The following RASL12 variants were observed in gnomAD, a reference collection of about 807,000 sequenced individuals.
RASL12 encodes the protein RAS like family 12, also known as ras-like protein family member 12.
RASL12 carries 16 observed loss-of-function variants against 22.9 expected under a neutral mutation model. That is an observed-to-expected ratio of 0.70 (90% confidence interval 0.47 to 1.06). The LOEUF is 1.06. Ranked by LOEUF, RASL12 falls within the 50% of genes least tolerant of loss-of-function variation. RASL12 has a pLI of 0.00. For synonymous variants in RASL12, 159 were observed against 152.2 expected, an observed-to-expected ratio of 1.04 and a Z score of -0.33; for missense variants, 306 against 353.1, an observed-to-expected ratio of 0.87 and a Z score of 1.07.
chr15:65,059,316 C>T (rs2232756), intron 3 of RASL12, 29 bp downstream of exon 3: 17,219 of 1,589,790 alleles, frequency 0.011, 84 homozygotes, highest in Non-Finnish European at 0.012. Context: ...TGACTCACAG[C>T]AGTGCATAGG....
In RASL12 at chr15:65,074,050, A is replaced by T. The variant is rs140428121; in HGVS notation, c.70+2479T>A. Among the ~76,000 whole-genome samples the T allele has an allele frequency of 3.9e-3, 596 of 152,334 alleles. 2 individuals are homozygous for T. Among genetic ancestry groups the T allele is most frequent in the East Asian group, 0.011 (56 of 5,182 alleles). On this transcript the variant is annotated intron_variant, in intron 1 of 4. Transcript: ENST00000434605. ...GGGCTTTATGGGATGCTCATCTGCA[A>T]AGCAGGGTTGCTACCTTTCCCATTT...
Position 65,058,416 on chromosome 15 carries a change from G to T in RASL12, c.425+11C>A. On this transcript the variant is annotated intron_variant, in intron 4 of 4. Transcript: ENST00000220062. ...AGCTCTGGAGATAACGGCCAAGCAG[G>T]CTGTGCTCACCTGTACTGAGCCATG... is the stretch of plus-strand genomic sequence containing the variant. The T allele has an allele frequency of 6.2e-6, 9 of 1,453,760 alleles. No homozygotes were observed. The highest frequency in any genetic ancestry group is 1.4e-5 in the African/African-American group (1 of 70,358). The allele number at this position is 1,453,760 out of a possible 1,614,324, so 90.1% of individuals were successfully genotyped here.
At chr15:65,046,141 T>A in the RASL12 span, among the ~76,000 whole-genome samples, 2 of 152,164 alleles carry the variant, frequency 1.3e-5, no homozygotes, top group African/African-American at 4.8e-5. Flanking sequence ...TCTCTACTAA[T>A]AATACAAAAA....
downstream of RASL12, chr15:65,053,233 T>C (rs1177595106): frequency 6.4e-7 from 1 of 1,560,264 alleles, no homozygotes; most frequent in East Asian, 2.3e-5. Flanking sequence ...GCCTGAAACC[T>C]CTCAGGTTTT....
At chr15:65,047,626 A>T in the RASL12 span, among the ~76,000 whole-genome samples, 1 of 152,168 alleles carries the variant, frequency 6.6e-6, no homozygotes, top group African/African-American at 2.4e-5. Context: ...AGGCACTCTT[A>T]CATCTGAGAC....
chr15:65,071,022 T>C (rs1595910623), upstream of RASL12, among the ~76,000 whole-genome samples: 2 of 152,278 alleles, frequency 1.3e-5, no homozygotes, highest in African/African-American at 2.4e-5. Flanking sequence ...CACTACCCTA[T>C]GTGCAGAAAC....
At chr15:65,070,721 C>T (rs191718962), upstream of RASL12, among the ~76,000 whole-genome samples, 2 of 152,340 alleles carry the variant, frequency 1.3e-5, no homozygotes, top group East Asian at 3.9e-4. Flanking sequence ...CCCCAGGAGC[C>T]CTTTCATATA....
At chr15:65,056,804 C>T (rs763361101) in intron 4 of RASL12, among the ~76,000 whole-genome samples, 1 of 152,156 alleles carries the variant, frequency 6.6e-6, no homozygotes, top group Admixed American at 6.5e-5. Context: ...AAACTTGGGA[C>T]TTGATCGAAG....
upstream of RASL12, chr15:65,068,270 T>C (rs2086905676): frequency 1.0e-6 from 1 of 985,210 alleles, no homozygotes; most frequent in African/African-American, 1.7e-5. The surrounding 1 kb of genome is among the most constrained non-coding windows in gnomAD (Gnocchi z 4.2). Flanking sequence ...CACTCTTCCC[T>C]GAACCTCCCA....
chr15:65,066,075 G>A (rs1227972154), intron 1 of RASL12, among the ~76,000 whole-genome samples: 1 of 148,588 alleles, frequency 6.7e-6, no homozygotes, highest in Non-Finnish European at 1.5e-5. Flanking sequence ...GTAGAGAAGA[G>A]AGAGAATAAA....
intron 1 of RASL12, among the ~76,000 whole-genome samples, chr15:65,074,806 G>A (rs541768805): frequency 1.6e-4 from 24 of 152,388 alleles, no homozygotes; most frequent in Admixed American, 1.1e-3. Context: ...CAGTGCGCCC[G>A]CACGCTGCAG....
chr15:65,059,385 T>A lies in RASL12; in HGVS notation c.194A>T (p.His65Leu). 6.2e-7 allele frequency: 1 copy of A among 1,614,046 alleles called. No individual in the cohort carries two copies. The highest frequency in any genetic ancestry group is 2.2e-5 in the East Asian group (1 of 44,882). ...DTYSSEETVDHQPVHLRVMDT... is the reference protein window; with the variant it reads ...DTYSSEETVDLQPVHLRVMDT... ...CATGACCCTCAGGTGGACAGGCTGGTGGTCCACAGTCTCCTCGGAGCTGTA... is the reference window on the plus strand; with the variant it reads ...CATGACCCTCAGGTGGACAGGCTGGAGGTCCACAGTCTCCTCGGAGCTGTA... The change falls in exon 3 of 5, where the codon CAC becomes CTC. Residue 65 changes from histidine to leucine, a missense_variant. His to Leu is a moderately conservative substitution (Grantham distance 99, BLOSUM62 -3). Coordinates refer to ENST00000220062, the MANE Select transcript of RASL12 (RefSeq NM_016563.4).
Position 65,054,854 on chromosome 15 carries a change from C to T in RASL12, c.*45G>A. The T allele has an allele frequency of 3.8e-6, 6 of 1,570,414 alleles. No individual in the cohort carries two copies. The highest frequency in any genetic ancestry group is 1.9e-4 in the Middle Eastern group (1 of 5,156). On this transcript the variant is annotated 3_prime_UTR_variant, in exon 5 of 5. Coordinates refer to ENST00000220062, the MANE Select transcript of RASL12 (RefSeq NM_016563.4). ...TGAGAAGCCAGTCCCTGTCCTGCTG[C>T]AGTCCTGTCCAGCCACCGAGCCTAG...
At chr15:65,051,908 C>A (rs1035443660), downstream of RASL12, among the ~76,000 whole-genome samples, 8 of 152,206 alleles carry the variant, frequency 5.3e-5, 1 homozygote, top group African/African-American at 1.9e-4. Context: ...AGCACACATG[C>A]ACCTCAGCAA....
intron 1 of RASL12, among the ~76,000 whole-genome samples, chr15:65,065,571 A>C (rs942225569): frequency 6.6e-6 from 1 of 152,180 alleles, no homozygotes; most frequent in Non-Finnish European, 1.5e-5. Context: ...GTCAGGACCC[A>C]TGCAACCATT....
Position 65,067,887 on chromosome 15 carries a change from T to C in RASL12, c.-52A>G, listed in dbSNP as rs774202997. 2.9e-6 allele frequency: 4 copies of C among 1,383,270 alleles called. No individual in the cohort carries two copies. Among genetic ancestry groups the C allele is most frequent in the Admixed American group, 7.4e-5 (2 of 27,018 alleles). 85.7% of individuals were successfully genotyped at this position (1,383,270 alleles called of 1,614,324 possible). On this transcript the variant is annotated 5_prime_UTR_variant, in exon 1 of 5. Coordinates refer to ENST00000220062, the MANE Select transcript of RASL12 (RefSeq NM_016563.4). ...TCTGCGGCCGGTGGGCCCCGCGCAG[T>C]GCGCCCGCCCGTCGGGGCCCAGGGG...
upstream of RASL12, chr15:65,067,996 C>G: frequency 8.6e-7 from 1 of 1,156,282 alleles, no homozygotes; most frequent in Non-Finnish European, 1.1e-6. Flanking sequence ...CGGGCTGCCA[C>G]CCCGCGGGGA....
At chr15:65,058,296 A>G in intron 4 of RASL12, 131 bp downstream of exon 4, 3 of 712,548 alleles carry the variant, frequency 4.2e-6, no homozygotes, top group South Asian at 4.4e-5. Context: ...ACAAACAAAC[A>G]TATAATCCCT....
exon 1 of RASL12, chr15:65,076,554 G>T (rs1437438139): frequency 4.3e-6 from 3 of 701,714 alleles, no homozygotes; most frequent in East Asian, 2.7e-5. Flanking sequence ...CTTCATTCTT[G>T]AAGTCAGACC....
Sources: allele counts gnomAD v4.1 joint callset (sites outside exome capture counted in the v4.1 genomes callset), GRCh38; gene constraint gnomAD v4.1.1; non-coding constraint Gnocchi (gnomAD v3.1); transcripts MANE v1.5; gene names NCBI Gene and HGNC (gene_info 2026-07-23, HGNC 2026-07-21).